Variants in MRTFA observed in about 807,000 individuals in gnomAD.
The protein encoded by MRTFA is myocardin-related transcription factor A.
A neutral mutation model predicts 83.5 loss-of-function variants in MRTFA; 20 were observed. That is an observed-to-expected ratio of 0.24 (90% CI 0.17 to 0.35). The LOEUF is 0.35. Among genes scored for constraint, MRTFA ranks in the 10% least tolerant of loss-of-function variants. The pLI is 1.00. For synonymous variants in MRTFA, 659 were observed against 541.2 expected, an observed-to-expected ratio of 1.22 and a Z score of -3.02; for missense variants, 1,200 against 1,224.7, an observed-to-expected ratio of 0.98 and a Z score of 0.30.
chr22:40,447,415 C>A (rs1395018712), intron 4 of MRTFA, among the ~76,000 whole-genome samples: 1 of 151,488 alleles, frequency 6.6e-6, no homozygotes, highest in African/African-American at 2.4e-5. Flanking sequence ...AGGGAGTGAG[C>A]CCTGCAGTCC....
chr22:40,577,235 TAAAAAAAAAAA>T (rs760829183), intron 2 of MRTFA, among the ~76,000 whole-genome samples: 11 of 64,442 alleles, frequency 1.7e-4, no homozygotes, highest in African/African-American at 5.4e-4. Flanking sequence ...GACCCTTGTC[TAAAAAAAAAAA>T]AAAAAAAAAA....
At chr22:40,520,378 G>C (rs5757979) in intron 3 of MRTFA, among the ~76,000 whole-genome samples, 89,380 of 151,802 alleles carry the variant, frequency 0.59, 26,926 homozygotes, top group East Asian at 0.89. Context: ...TTATGTCTAT[G>C]TCCTTTCATT....
chr22:40,582,392 T>A (rs1265492777), intron 2 of MRTFA, among the ~76,000 whole-genome samples: 3 of 152,248 alleles, frequency 2.0e-5, no homozygotes, highest in Non-Finnish European at 4.4e-5. Flanking sequence ...TGTAAAAGTT[T>A]CTGTGTTGGT....
chr22:40,636,043 A>G (rs1012347808), intron 1 of MRTFA, among the ~76,000 whole-genome samples: 1 of 152,214 alleles, frequency 6.6e-6, no homozygotes, highest in African/African-American at 2.4e-5. Flanking sequence ...ACTGGCACCA[A>G]CAAGTCCAGC....
intron 2 of MRTFA, among the ~76,000 whole-genome samples, chr22:40,562,520 G>C (rs1386813573): frequency 7.8e-6 from 1 of 127,932 alleles, no homozygotes; most frequent in Non-Finnish European, 1.6e-5. Flanking sequence ...CAGCAGAAAA[G>C]AAAGAAAGAA....
intron 2 of MRTFA, among the ~76,000 whole-genome samples, chr22:40,585,432 T>C (rs985765893): frequency 1.3e-5 from 2 of 152,242 alleles, no homozygotes; most frequent in South Asian, 4.1e-4. Context: ...GGGACTTATT[T>C]GTTTAATGGG....
intron 1 of MRTFA, among the ~76,000 whole-genome samples, chr22:40,626,513 G>C (rs952947202): frequency 1.3e-5 from 2 of 151,980 alleles, no homozygotes; most frequent in South Asian, 4.1e-4. Flanking sequence ...GGCTGGTCTT[G>C]AACCTCTAAG....
intron 3 of MRTFA, among the ~76,000 whole-genome samples, chr22:40,489,220 C>T (rs1227379440): frequency 6.6e-6 from 1 of 152,036 alleles, no homozygotes; most frequent in Non-Finnish European, 1.5e-5. Flanking sequence ...CTGCTTCAGC[C>T]CAAAAGCAGG....
Position 40,411,821 on chromosome 22 carries a change from C to T in MRTFA, c.2665G>A (p.Ala889Thr). Residue 889 changes from alanine to threonine, a missense_variant, in exon 15 of 15, where the codon GCA becomes ACA. Physicochemically the swap from Ala to Thr is moderately conservative, Grantham distance 58. Transcript: ENST00000355630. ...AGCTCAGCAGAAGGTGATGGCTGTG[C>T]TGCCAGGGGGGACCCACAGACTGTC... 1 of 1,515,682 alleles carries T rather than the reference C, an allele frequency of 6.6e-7. No homozygotes were observed. The highest frequency in any genetic ancestry group is 2.2e-5 in the Admixed American group (1 of 46,294). 93.9% of individuals were successfully genotyped at this position (1,515,682 alleles called of 1,614,324 possible).
chr22:40,426,637 C>T (rs1160607605), intron 7 of MRTFA, among the ~76,000 whole-genome samples: 2 of 152,110 alleles, frequency 1.3e-5, no homozygotes, highest in African/African-American at 2.4e-5. Context: ...ACCTCTGTAC[C>T]TTTTCCACTT....
intron 4 of MRTFA, among the ~76,000 whole-genome samples, chr22:40,461,384 G>A (rs1394180496): frequency 6.6e-6 from 1 of 151,844 alleles, no homozygotes; most frequent in African/African-American, 2.4e-5. Context: ...TGGGCATGGT[G>A]ATGCACACCA....
intron 1 of MRTFA, among the ~76,000 whole-genome samples, chr22:40,605,180 TATGCTA>T (rs1418801398): frequency 2.0e-5 from 3 of 152,140 alleles, no homozygotes; most frequent in Non-Finnish European, 4.4e-5. Flanking sequence ...ATACCCACCA[TATGCTA>T]ACATACTAGA....
chr22:40,623,597 G>A (rs8135813), intron 1 of MRTFA, among the ~76,000 whole-genome samples: 2 of 152,136 alleles, frequency 1.3e-5, no homozygotes, highest in Non-Finnish European at 1.5e-5. Context: ...TCTGGATGCT[G>A]AGAATAGGGC....
intron 3 of MRTFA, among the ~76,000 whole-genome samples, chr22:40,508,615 G>C (rs911407511): frequency 4.0e-5 from 6 of 150,482 alleles, no homozygotes; most frequent in African/African-American, 1.5e-4. Context: ...TGGCCTCACA[G>C]TTGAGGTTGT....
At chr22:40,455,312 G>A (rs970369078) in intron 4 of MRTFA, among the ~76,000 whole-genome samples, 4 of 152,152 alleles carry the variant, frequency 2.6e-5, no homozygotes. Context: ...GGACAGGGCT[G>A]GTCTAGCACC....
At chr22:40,436,767 T>C (rs1342042060) in intron 4 of MRTFA, among the ~76,000 whole-genome samples, 1 of 152,236 alleles carries the variant, frequency 6.6e-6, no homozygotes, top group African/African-American at 2.4e-5. Context: ...TCAGTTTCAC[T>C]TCTCCTGCCC....
At chr22:40,470,880 C>G (rs1021686704) in intron 3 of MRTFA, among the ~76,000 whole-genome samples, 1 of 151,662 alleles carries the variant, frequency 6.6e-6, no homozygotes, top group Admixed American at 6.6e-5. Flanking sequence ...ACCCGGGAGG[C>G]GGAGGTTACA....
chr22:40,635,421 T>C (rs546966222), intron 1 of MRTFA, among the ~76,000 whole-genome samples: 1 of 152,194 alleles, frequency 6.6e-6, no homozygotes. Flanking sequence ...CTCGGGGACA[T>C]TCCAGACGTC....
At chr22:40,420,378 G>C in intron 11 of MRTFA, 27 bp downstream of exon 11, 1 of 1,604,714 alleles carries the variant, frequency 6.2e-7, no homozygotes, top group Non-Finnish European at 8.5e-7. Flanking sequence ...GGCTGGCAGT[G>C]GCTCAAGTTT....
Sources: gnomAD v4.1 joint callset for allele counts (sites outside exome capture counted in the v4.1 genomes callset) on GRCh38, gnomAD v4.1.1 for gene constraint, MANE v1.5 for transcripts, NCBI Gene and HGNC (gene_info 2026-07-23, HGNC 2026-07-21) for gene names.